Variants in FMN1 observed in about 807,000 individuals in gnomAD.
FMN1 encodes the protein formin-1.
A neutral mutation model predicts 132.4 loss-of-function variants in FMN1; 110 were observed. That is an observed-to-expected ratio of 0.83 (90% CI 0.71 to 0.97). The LOEUF (loss-of-function observed/expected upper bound fraction) is 0.97, where lower values mean the gene tolerates loss of function less well. Among genes scored for constraint, FMN1 ranks in the 50% least tolerant of loss-of-function variants. FMN1 has a pLI of 0.00. For missense variants in FMN1, 1,792 were observed against 1,705.3 expected (o/e 1.05, Z -0.90); for synonymous variants, 722 against 651.7 (o/e 1.11, Z -1.64).
intron 6 of FMN1, among the ~76,000 whole-genome samples, chr15:33,033,093 CG>C: frequency 6.6e-6 from 1 of 151,894 alleles, no homozygotes; most frequent in Non-Finnish European, 1.5e-5. Flanking sequence ...TGCAGTGGTA[CG>C]ATCTCGGCTC....
intron 16 of FMN1, among the ~76,000 whole-genome samples, chr15:32,869,956 T>A (rs2059476496): frequency 2.0e-5 from 3 of 152,084 alleles, no homozygotes. Context: ...GGAGAAAGAT[T>A]CTGTAGCCAC....
At chr15:33,088,396 G>A (rs1225103181) in intron 5 of FMN1, among the ~76,000 whole-genome samples, 1 of 152,148 alleles carries the variant, frequency 6.6e-6, no homozygotes, top group Non-Finnish European at 1.5e-5. Context: ...TGGAAGGAAG[G>A]CAGGGTATTC....
At chr15:32,958,952 C>T (rs1596345691) in intron 9 of FMN1, among the ~76,000 whole-genome samples, 1 of 147,732 alleles carries the variant, frequency 6.8e-6, no homozygotes, top group Non-Finnish European at 1.5e-5. Flanking sequence ...TGAGGCAGGA[C>T]AATCGGCTTG....
chr15:32,944,222 A>C (rs2061457409), intron 9 of FMN1, among the ~76,000 whole-genome samples: 1 of 152,182 alleles, frequency 6.6e-6, no homozygotes, highest in African/African-American at 2.4e-5. Flanking sequence ...TACAATGCTG[A>C]TTCAGTTTCC....
At chr15:33,058,652 CAAGT>C (rs2037345147) in intron 6 of FMN1, among the ~76,000 whole-genome samples, 1 of 152,172 alleles carries the variant, frequency 6.6e-6, no homozygotes, top group Non-Finnish European at 1.5e-5. Flanking sequence ...GTGAAACAAC[CAAGT>C]GAGTTTTTGC....
At chr15:32,980,577 C>A (rs1202716923) in intron 7 of FMN1, among the ~76,000 whole-genome samples, 2 of 152,102 alleles carry the variant, frequency 1.3e-5, no homozygotes, top group Non-Finnish European at 1.5e-5. Flanking sequence ...ATCAGCAGAT[C>A]TACTACTGGG....
intron 7 of FMN1, among the ~76,000 whole-genome samples, chr15:32,976,366 A>G (rs2032204530): frequency 6.6e-6 from 1 of 152,184 alleles, no homozygotes; most frequent in African/African-American, 2.4e-5. Context: ...TGCTTAGGTA[A>G]GGCAAGGAGA....
At chr15:32,830,332 T>C (rs1000464339) in intron 17 of FMN1, among the ~76,000 whole-genome samples, 6 of 152,182 alleles carry the variant, frequency 3.9e-5, no homozygotes, top group South Asian at 2.1e-4. Context: ...TCCTGACTCA[T>C]TGTCTTCTCT....
intron 4 of FMN1, among the ~76,000 whole-genome samples, chr15:33,111,087 C>T (rs1240103760): frequency 6.8e-6 from 1 of 147,082 alleles, no homozygotes; most frequent in African/African-American, 2.6e-5. Context: ...TTTCTCATGG[C>T]ATATTTCCAT....
At chr15:33,002,142 T>C (rs2034154747) in intron 7 of FMN1, among the ~76,000 whole-genome samples, 1 of 152,242 alleles carries the variant, frequency 6.6e-6, no homozygotes, top group Non-Finnish European at 1.5e-5. Flanking sequence ...CTAAATGTGA[T>C]ACTTATCAAT....
intron 7 of FMN1, among the ~76,000 whole-genome samples, chr15:33,005,083 A>G (rs1435540564): frequency 6.6e-6 from 1 of 152,146 alleles, no homozygotes; most frequent in Non-Finnish European, 1.5e-5. Context: ...AGATATACCT[A>G]ATGCTAAATG....
intron 17 of FMN1, among the ~76,000 whole-genome samples, chr15:32,825,805 G>A (rs1305187348): frequency 6.6e-6 from 1 of 152,138 alleles, no homozygotes; most frequent in East Asian, 1.9e-4. Flanking sequence ...ACTACGTTGT[G>A]AGATCTTTAA....
chr15:32,993,913 G>C (rs34895520), intron 7 of FMN1, among the ~76,000 whole-genome samples: 2,757 of 94,496 alleles, frequency 0.029, 52 homozygotes, highest in Non-Finnish European at 0.034. Flanking sequence ...GGGGCGGGGT[G>C]GGGGGGGTCT....
At chr15:32,848,993 T>C (rs1238553845) in intron 17 of FMN1, among the ~76,000 whole-genome samples, 1 of 141,838 alleles carries the variant, frequency 7.1e-6, no homozygotes, top group Non-Finnish European at 1.5e-5. Flanking sequence ...TTTTTTTTTT[T>C]TTTTTTCAGA....
chr15:33,094,958 A>G (rs1312442124), intron 4 of FMN1, among the ~76,000 whole-genome samples: 1 of 152,242 alleles, frequency 6.6e-6, no homozygotes, highest in African/African-American at 2.4e-5. Flanking sequence ...CTGAGACATT[A>G]AAAGCCTCCG....
chr15:32,868,767 G>A (rs2141362019), intron 16 of FMN1, among the ~76,000 whole-genome samples: 1 of 149,978 alleles, frequency 6.7e-6, no homozygotes. Context: ...ATCCCTGTCC[G>A]GGTTCCATAA....
At chr15:33,044,079 C>T (rs959803942) in intron 6 of FMN1, among the ~76,000 whole-genome samples, 2 of 152,186 alleles carry the variant, frequency 1.3e-5, no homozygotes, top group Non-Finnish European at 2.9e-5. Context: ...TTGTCATAAC[C>T]TAGTTGGGTA....
intron 15 of FMN1, among the ~76,000 whole-genome samples, chr15:32,894,085 T>A (rs1464922126): frequency 2.0e-5 from 3 of 152,190 alleles, no homozygotes; most frequent in Non-Finnish European, 4.4e-5. Context: ...AGCTCTCATC[T>A]CCTCATATCT....
intron 4 of FMN1, among the ~76,000 whole-genome samples, chr15:33,128,831 GCAATGC>G (rs1566942667): frequency 6.6e-6 from 1 of 152,156 alleles, no homozygotes; most frequent in African/African-American, 2.4e-5. Flanking sequence ...CAAAGCCTCC[GCAATGC>G]GGAAGACAAC....
Sources: gnomAD v4.1 joint callset for allele counts (sites outside exome capture counted in the v4.1 genomes callset) on GRCh38, gnomAD v4.1.1 for gene constraint, MANE v1.5 for transcripts, NCBI Gene and HGNC (gene_info 2026-07-23, HGNC 2026-07-21) for gene names.